The following PIK3R2 variants were observed in gnomAD, a reference collection of about 807,000 sequenced individuals.
PIK3R2 encodes phosphatidylinositol 3-kinase regulatory subunit beta.
In PIK3R2, 40 loss-of-function variants were observed where a neutral mutation model predicts 78.5. That is an observed-to-expected ratio of 0.51 (90% CI 0.40 to 0.66). The LOEUF is 0.66. PIK3R2 is among the 30% of genes least tolerant of loss of function. The pLI, the probability that PIK3R2 is intolerant of heterozygous loss-of-function variation, is 0.00. For missense variants in PIK3R2, 880 were observed against 1,026.6 expected (o/e 0.86, Z 1.95); for synonymous variants, 473 against 457.7 (o/e 1.03, Z -0.43).
rs1326810281 is a variant in PIK3R2 at position 18,156,164 on chromosome 19, A to T, written c.285A>T (p.Pro95=). ...RPGPRPRGPR[P]LPARPRDGAP... ...GCCCTCGCCCACGGGGCCCCCGCCC[A>T]CTGCCCGCCAGGCCCCGTGATGGGG... Residue 95 remains proline, a synonymous_variant, in exon 2 of 16, where the codon CCA becomes CCT. Coordinates refer to ENST00000222254, the MANE Select transcript of PIK3R2 (RefSeq NM_005027.4). This position sits in a 1 kb window ranked among gnomAD's most constrained non-coding sequence, Gnocchi z 4.2. The T allele has an allele frequency of 1.4e-6, 2 of 1,451,804 alleles. No individual in the cohort carries two copies. Among genetic ancestry groups the T allele is most frequent in the South Asian group, 3.0e-5 (2 of 67,638 alleles). The allele number at this position is 1,451,804 out of a possible 1,614,324, so 89.9% of individuals were successfully genotyped here. A position where few individuals can be genotyped will look rare whatever the true frequency, so the allele number is the denominator to read the frequency against.
Position 18,160,653 on chromosome 19 carries a change from T to G in PIK3R2, c.415+90T>G, listed in dbSNP as rs377384248. 2.0e-5 allele frequency: 22 copies of G among 1,082,154 alleles called. No individual in the cohort carries two copies. The African/African-American group carries it at 2.2e-4, about 11-fold the overall frequency. 67.0% of individuals were successfully genotyped at this position (1,082,154 alleles called of 1,614,324 possible). On this transcript the variant is annotated intron_variant, in intron 3 of 15. Coordinates refer to ENST00000222254, the MANE Select transcript of PIK3R2 (RefSeq NM_005027.4). The stretch of plus-strand genomic sequence containing the variant: ...TCCTCTCACAGGGCCTCCAAGCTCA[T>G]GCTGCACGGAAACAGGCTGAGCCTG...
chr19:18,158,272 T>C (rs546597290), intron 2 of PIK3R2, among the ~76,000 whole-genome samples: 1 of 152,006 alleles, frequency 6.6e-6, no homozygotes, highest in East Asian at 1.9e-4. Flanking sequence ...GTGGATCACT[T>C]GAGGTCAGGA....
chr19:18,167,580 G>A lies in PIK3R2; in HGVS notation c.1736+274G>A, dbSNP rs1239567402. 1.3e-5 allele frequency among the ~76,000 whole-genome samples: 2 copies of A among 152,118 alleles called. No individual in the cohort carries two copies. The highest frequency in any genetic ancestry group is 4.1e-4 in the South Asian group (2 of 4,832). On this transcript the variant is annotated intron_variant, in intron 13 of 15. Transcript: ENST00000222254. This position sits in a 1 kb window ranked among gnomAD's most constrained non-coding sequence, Gnocchi z 4.5. Reference sequence around the variant, plus strand: ...CACAAAAATTCCTGCTGGGCTGGGCGCAATGGCTCACACCTGTAATCCCAG... The same window carrying A: ...CACAAAAATTCCTGCTGGGCTGGGCACAATGGCTCACACCTGTAATCCCAG...
At position 18,168,702 on chromosome 19, in the gene PIK3R2, C is replaced by A; in HGVS notation, c.1809-24C>A. ...CTGGCAGGTGAGTGACCAGGGCCCT[C>A]CCCGCCACCGCCCCCCACCCCAGCC... On this transcript the variant is annotated intron_variant, in intron 14 of 15. Coordinates refer to ENST00000222254, the MANE Select transcript of PIK3R2 (RefSeq NM_005027.4). The surrounding 1 kb of genome is among the most constrained non-coding windows in gnomAD (Gnocchi z 4.1). 1 of 1,576,300 alleles carries A rather than the reference C, an allele frequency of 6.3e-7. No homozygotes were observed. Among genetic ancestry groups the A allele is most frequent in the Non-Finnish European group, 8.7e-7 (1 of 1,147,382 alleles).
rs1026825273 is a variant in PIK3R2 at position 18,161,206 on chromosome 19, G to A, written c.598+21G>A. ...GCGGGGTGAGCCTGGCGGGTAGCCC[G>A]GGGGAAGGAGGGGGCTGTAGCGGGT... is the stretch of plus-strand genomic sequence containing the variant. On this transcript the variant is annotated intron_variant, in intron 5 of 15. Coordinates refer to ENST00000222254, the MANE Select transcript of PIK3R2 (RefSeq NM_005027.4). The surrounding 1 kb of genome is among the most constrained non-coding windows in gnomAD (Gnocchi z 5.3). 39 of 1,535,804 alleles carry A rather than the reference G, an allele frequency of 2.5e-5. No individual in the cohort carries two copies. The highest frequency in any genetic ancestry group is 3.2e-5 in the Non-Finnish European group (36 of 1,142,054).
rs1420275909 is a variant in PIK3R2, at chr19:18,156,399, G to C, written c.322+198G>C. On this transcript the variant is annotated intron_variant, in intron 2 of 15. Coordinates refer to ENST00000222254, the MANE Select transcript of PIK3R2 (RefSeq NM_005027.4). The surrounding 1 kb of genome is among the most constrained non-coding windows in gnomAD (Gnocchi z 4.2). ...CCTCATGAGCTTCTGGTTCAAGAAG[G>C]GATGAGAGTGGGTTCAGGAGGTGAC... Among the ~76,000 whole-genome samples, 1 of 152,236 alleles carries C rather than the reference G, an allele frequency of 6.6e-6. No homozygotes were observed. Among genetic ancestry groups the C allele is most frequent in the African/African-American group, 2.4e-5 (1 of 41,472 alleles).
rs993721573 is a variant in PIK3R2, at chr19:18,167,026, C to G, written c.1560-104C>G. The G allele has an allele frequency of 1.1e-6, 1 of 918,164 alleles. No individual in the cohort carries two copies. The highest frequency in any genetic ancestry group is 1.7e-5 in the African/African-American group (1 of 57,668). 56.9% of individuals were successfully genotyped at this position (918,164 alleles called of 1,614,324 possible). On this transcript the variant is annotated intron_variant, in intron 12 of 15. Coordinates refer to ENST00000222254, the MANE Select transcript of PIK3R2 (RefSeq NM_005027.4). This position sits in a 1 kb window ranked among gnomAD's most constrained non-coding sequence, Gnocchi z 4.5. ...TGGTGCACACCTGTGGTCCCAGCTA[C>G]TCGGGAGGCTGAGGTAGGAGGGTCA...
Position 18,167,931 on chromosome 19 carries a change from G to C in PIK3R2, c.1737-544G>C, listed in dbSNP as rs1353565614. On this transcript the variant is annotated intron_variant, in intron 13 of 15. Coordinates refer to ENST00000222254, the MANE Select transcript of PIK3R2 (RefSeq NM_005027.4). This position sits in a 1 kb window ranked among gnomAD's most constrained non-coding sequence, Gnocchi z 4.5. ...CATGCTGGGTGGCTGCGGCAGCCCT[G>C]TCCTGGGTTCAAATCAGTTCAAATC... Among the ~76,000 whole-genome samples the C allele has an allele frequency of 1.3e-5, 2 of 152,110 alleles. No individual in the cohort carries two copies. The highest frequency in any genetic ancestry group is 2.9e-5 in the Non-Finnish European group (2 of 68,022).
intron 7 of PIK3R2, 40 bp downstream of exon 7, chr19:18,162,091 G>A (rs770009157): frequency 1.1e-5 from 17 of 1,585,264 alleles, no homozygotes; most frequent in South Asian, 8.8e-5. Flanking sequence ...CCCGTTGGGG[G>A]CCGTAAATAC....
chr19:18,162,935 C>T (rs747813689), intron 9 of PIK3R2, 32 bp from the exon 10 acceptor site: 3 of 1,604,174 alleles, frequency 1.9e-6, no homozygotes, highest in Admixed American at 1.7e-5. Context: ...TGCGGGGTCC[C>T]ACTGGGTGCC....
chr19:18,162,492 C>T lies in PIK3R2; in HGVS notation c.1095C>T (p.Tyr365=). 6 of 1,613,098 alleles carry T rather than the reference C, an allele frequency of 3.7e-6. No individual in the cohort carries two copies. The highest frequency in any genetic ancestry group is 4.2e-6 in the Non-Finnish European group (5 of 1,179,830). The change falls in exon 9 of 16, where the codon TAC becomes TAT. Residue 365 remains tyrosine (Y), a synonymous_variant. Transcript: ENST00000222254. The stretch of plus-strand genomic sequence containing the variant: ...CTTCTAGCAAGATCCAGGGCGAGTA[C>T]ACGCTGACCCTCAGGTGGGGGCCTG... ...RDASSKIQGE[Y]TLTLRKGGNN...
In PIK3R2 at chr19:18,156,982, G is replaced by C. The variant is rs540489523; in HGVS notation, c.322+781G>C. Among the ~76,000 whole-genome samples the C allele has an allele frequency of 6.6e-6, 1 of 152,134 alleles. No individual in the cohort carries two copies. Among genetic ancestry groups the C allele is most frequent in the Non-Finnish European group, 1.5e-5 (1 of 68,016 alleles). On this transcript the variant is annotated intron_variant, in intron 2 of 15. Coordinates refer to ENST00000222254, the MANE Select transcript of PIK3R2 (RefSeq NM_005027.4). This position sits in a 1 kb window ranked among gnomAD's most constrained non-coding sequence, Gnocchi z 4.2. ...CTGCATGCTCGGCATGGTCTGCTCC[G>C]ACCCTCCCAGCAGCCCAGCAAAAGG...
At position 18,161,440 on chromosome 19, in the gene PIK3R2, CT is replaced by C; in HGVS notation, c.761del (p.Leu254ArgfsTer87). The part of the protein sequence containing the change: ...RALGATFGPL[L>X]LRAPPPPSSP... Reference sequence around the variant, plus strand: ...CCTGGGCGCCACCTTTGGGCCGCTGCTGCTGCGCGCGCCGCCGCCGCCGTCC... The same window carrying C: ...CCTGGGCGCCACCTTTGGGCCGCTGCGCTGCGCGCGCCGCCGCCGCCGTCC... On this transcript the variant is annotated frameshift_variant, in exon 6 of 16. Transcript: ENST00000222254. LOFTEE classifies it high-confidence loss of function. The surrounding 1 kb of genome is among the most constrained non-coding windows in gnomAD (Gnocchi z 5.3). The C allele has an allele frequency of 8.3e-7, 1 of 1,205,610 alleles. No individual in the cohort carries two copies. The highest frequency in any genetic ancestry group is 1.0e-6 in the Non-Finnish European group (1 of 973,194). 74.7% of individuals were successfully genotyped at this position (1,205,610 alleles called of 1,614,324 possible).
At position 18,166,105 on chromosome 19, in the gene PIK3R2, C is replaced by G. The variant is rs774269674; in HGVS notation, c.1417-55C>G. ...AGAGTTGAGATGTGCCTTTACCCCT[C>G]ACGAGGGCCTTTTGGGGAGTCCCAG... is the stretch of plus-strand genomic sequence containing the variant. On this transcript the variant is annotated intron_variant, in intron 11 of 15. Coordinates refer to ENST00000222254, the MANE Select transcript of PIK3R2 (RefSeq NM_005027.4). 7 of 1,611,166 alleles carry G rather than the reference C, an allele frequency of 4.3e-6. No homozygotes were observed. In the East Asian group the frequency reaches 1.1e-4, roughly 26 times the overall value.
Position 18,169,491 on chromosome 19 carries a change from CTCTG to C in PIK3R2, c.*201_*204del, listed in dbSNP as rs375931981. ...TCCAGATCTCCCTCTGTCTCCTTTT[CTCTG>C]TCTTTCTTGGCCCCTGTCTCTCTCC... On this transcript the variant is annotated 3_prime_UTR_variant, in exon 16 of 16. Transcript: ENST00000222254. The C allele has an allele frequency of 9.0e-4, 317 of 351,162 alleles. No homozygotes were observed. The highest frequency in any genetic ancestry group is 3.0e-3 in the South Asian group (30 of 9,934). The allele number at this position is 351,162 out of a possible 1,614,324, so 21.8% of individuals were successfully genotyped here. A position where few individuals can be genotyped will look rare whatever the true frequency, so the allele number is the denominator to read the frequency against.
chr19:18,169,179 AGCTGGTGCTGCACTACCAGCACGCCTC>A lies in PIK3R2; in HGVS notation c.2081_2107del (p.Leu694_Val702del). On this transcript the variant is annotated inframe_deletion, in exon 16 of 16. Transcript: ENST00000222254. Reference sequence around the variant, plus strand: ...TACAACCTGTACGGGTCGCTGAAGGAGCTGGTGCTGCACTACCAGCACGCCTCGCTGGTGCAGCACAACGACGCGCTC... The same window carrying A: ...TACAACCTGTACGGGTCGCTGAAGGAGCTGGTGCAGCACAACGACGCGCTC... 2.5e-6 allele frequency: 4 copies of A among 1,609,946 alleles called. No individual in the cohort carries two copies. Among genetic ancestry groups the A allele is most frequent in the Non-Finnish European group, 3.4e-6 (4 of 1,179,564 alleles).
At chr19:18,166,625 C>A (rs550189313) in intron 12 of PIK3R2, among the ~76,000 whole-genome samples, 6 of 149,154 alleles carry the variant, frequency 4.0e-5, no homozygotes, top group Admixed American at 6.7e-5. Context: ...GCAGGAGAAT[C>A]GCTTGAACCT....
chr19:18,163,515 T>C (rs1422302352), intron 11 of PIK3R2, 127 bp downstream of exon 11: 23 of 967,398 alleles, frequency 2.4e-5, no homozygotes, highest in Non-Finnish European at 3.3e-5. Context: ...AGCAGGCACT[T>C]AGCACCAAGG....
chr19:18,169,228 G>C lies in PIK3R2; in HGVS notation c.2121G>C (p.Ala707=), dbSNP rs746461048. 1.6e-5 allele frequency: 25 copies of C among 1,597,252 alleles called. No homozygotes were observed. In the East Asian group the frequency reaches 5.4e-4, roughly 34 times the overall value. Residue 707 remains alanine (A), a synonymous_variant, in exon 16 of 16, where the codon GCG becomes GCC. Coordinates refer to ENST00000222254, the MANE Select transcript of PIK3R2 (RefSeq NM_005027.4). The part of the protein sequence containing the change: ...QHASLVQHND[A]LTVTLAHPVR... ...CCTCGCTGGTGCAGCACAACGACGC[G>C]CTCACCGTCACCCTGGCGCACCCAG...
Sources: allele counts gnomAD v4.1 joint callset (sites outside exome capture counted in the v4.1 genomes callset), GRCh38; gene constraint gnomAD v4.1.1; non-coding constraint Gnocchi (gnomAD v3.1); transcripts MANE v1.5; gene names NCBI Gene and HGNC (gene_info 2026-07-23, HGNC 2026-07-21).